UVRAG: variants seen among roughly 807,000 people sequenced by gnomAD.
UVRAG encodes UV radiation resistance-associated gene protein.
A neutral mutation model predicts 78.0 loss-of-function variants in UVRAG; 19 were observed. The ratio of observed to expected loss-of-function variants is 0.24; its 90% CI spans 0.17 to 0.36. The LOEUF is 0.36. UVRAG is among the 10% of genes least tolerant of loss of function. The pLI is 1.00. For synonymous variants in UVRAG, 323 were observed against 324.6 expected (o/e 1.00, Z 0.05); for missense variants, 740 against 853.8 (o/e 0.87, Z 1.66).
At chr11:76,103,657 A>T (rs977012771) in intron 13 of UVRAG, among the ~76,000 whole-genome samples, 7 of 151,820 alleles carry the variant, frequency 4.6e-5, no homozygotes, top group Non-Finnish European at 8.8e-5. Flanking sequence ...TCCACAGAAA[A>T]CTTAAAAGGC....
At chr11:76,100,740 C>A (rs1951865477) in intron 13 of UVRAG, among the ~76,000 whole-genome samples, 1 of 152,052 alleles carries the variant, frequency 6.6e-6, no homozygotes, top group African/African-American at 2.4e-5. Context: ...AGTACTTTTT[C>A]TGTTCCTCTC....
At chr11:75,918,002 A>G (rs1477368246) in intron 6 of UVRAG, among the ~76,000 whole-genome samples, 1 of 152,188 alleles carries the variant, frequency 6.6e-6, no homozygotes, top group Non-Finnish European at 1.5e-5. Context: ...GTCTAGCTCC[A>G]GAGGCTATCA....
chr11:75,845,436 C>T (rs920035562), intron 1 of UVRAG, among the ~76,000 whole-genome samples: 30 of 152,206 alleles, frequency 2.0e-4, no homozygotes, highest in African/African-American at 7.0e-4. Flanking sequence ...CCTAGATGCC[C>T]ATCAATGGTG....
intron 1 of UVRAG, among the ~76,000 whole-genome samples, chr11:75,834,568 A>C (rs1590913688): frequency 1.3e-5 from 2 of 152,160 alleles, no homozygotes; most frequent in Non-Finnish European, 2.9e-5. Context: ...CAATCCCAGC[A>C]CTTTGGTAGG....
At chr11:76,066,424 A>G (rs1170878439) in intron 13 of UVRAG, among the ~76,000 whole-genome samples, 1 of 152,108 alleles carries the variant, frequency 6.6e-6, no homozygotes, top group Non-Finnish European at 1.5e-5. Context: ...TAGGCATTCC[A>G]CAAGTTTTCT....
intron 13 of UVRAG, among the ~76,000 whole-genome samples, chr11:76,072,185 G>A (rs1591202914): frequency 6.6e-6 from 1 of 152,234 alleles, no homozygotes; most frequent in East Asian, 1.9e-4. Context: ...AATAGAGGAG[G>A]AAGAACCAGC....
chr11:76,027,175 T>C lies in UVRAG; in HGVS notation c.1226+10195T>C, dbSNP rs149519066. On this transcript the variant is annotated intron_variant, in intron 12 of 14. Transcript: ENST00000356136. ...AGCCCAGAAGATGAAGTGCTAATTA[T>C]TAAGTTTTGTACTTGTAAAGCAAAC... Among the ~76,000 whole-genome samples, 17 of 152,260 alleles carry C rather than the reference T, an allele frequency of 1.1e-4. No individual in the cohort carries two copies. The East Asian group carries it at 3.3e-3, about 29-fold the overall frequency.
chr11:76,026,646 T>C (rs1950331177), intron 12 of UVRAG, among the ~76,000 whole-genome samples: 2 of 152,144 alleles, frequency 1.3e-5, no homozygotes, highest in South Asian at 2.1e-4. Flanking sequence ...TGTTGGCATT[T>C]AGAGCACTCA....
intron 6 of UVRAG, among the ~76,000 whole-genome samples, chr11:75,929,886 A>C (rs180744970): frequency 2.0e-5 from 3 of 152,320 alleles, no homozygotes. Flanking sequence ...CGTTAAATAC[A>C]TTCTTAGAGA....
At chr11:75,900,678 G>A (rs1185385807) in intron 5 of UVRAG, among the ~76,000 whole-genome samples, 1 of 152,154 alleles carries the variant, frequency 6.6e-6, no homozygotes, top group Non-Finnish European at 1.5e-5. Flanking sequence ...CAGTCCTCAT[G>A]TCATGGAGTA....
intron 3 of UVRAG, among the ~76,000 whole-genome samples, chr11:75,877,984 G>A (rs1467100535): frequency 1.3e-5 from 2 of 151,592 alleles, no homozygotes; most frequent in African/African-American, 2.4e-5. Flanking sequence ...CCTCCCAGAC[G>A]GGGCGGCTGC....
At chr11:76,140,363 GA>G (rs931743778) in intron 14 of UVRAG, among the ~76,000 whole-genome samples, 12 of 151,978 alleles carry the variant, frequency 7.9e-5, no homozygotes, top group Non-Finnish European at 1.3e-4. Context: ...TCAGAAATAT[GA>G]AGTTAGTTAT....
intron 1 of UVRAG, among the ~76,000 whole-genome samples, chr11:75,817,123 C>T (rs1945276847): frequency 6.6e-6 from 1 of 152,010 alleles, no homozygotes; most frequent in Non-Finnish European, 1.5e-5. Flanking sequence ...GGAGACACGT[C>T]TCTGGAGTGA....
At chr11:76,123,574 G>GT (rs535939372) in intron 14 of UVRAG, among the ~76,000 whole-genome samples, 2 of 152,006 alleles carry the variant, frequency 1.3e-5, no homozygotes, top group Non-Finnish European at 2.9e-5. Context: ...CATCTGTCCT[G>GT]TTTTTTTCAT....
chr11:76,092,172 C>A (rs1027733756), intron 13 of UVRAG, among the ~76,000 whole-genome samples: 10 of 152,142 alleles, frequency 6.6e-5, no homozygotes, highest in African/African-American at 1.9e-4. Flanking sequence ...TGAACTCATC[C>A]TTTTTTATGG....
intron 12 of UVRAG, among the ~76,000 whole-genome samples, chr11:76,065,448 C>G (rs1291538924): frequency 6.6e-6 from 1 of 152,120 alleles, no homozygotes; most frequent in East Asian, 1.9e-4. Flanking sequence ...GGCCTCAACT[C>G]CTTGGGGTGG....
intron 13 of UVRAG, among the ~76,000 whole-genome samples, 181 bp downstream of exon 13, chr11:76,065,969 A>G (rs1951177240): frequency 6.6e-6 from 1 of 152,222 alleles, no homozygotes; most frequent in Non-Finnish European, 1.5e-5. Flanking sequence ...AAATGACTAC[A>G]GAGAAGCAAT....
At chr11:75,826,874 T>C (rs536605505) in intron 1 of UVRAG, among the ~76,000 whole-genome samples, 1 of 152,278 alleles carries the variant, frequency 6.6e-6, no homozygotes, top group Non-Finnish European at 1.5e-5. Flanking sequence ...CCATTCTTTG[T>C]GAAAACTCCA....
chr11:75,995,437 G>T lies in UVRAG; in HGVS notation c.827-8568G>T, dbSNP rs1272918850. Among the ~76,000 whole-genome samples, 3 of 144,180 alleles carry T rather than the reference G, an allele frequency of 2.1e-5. No individual in the cohort carries two copies. In the East Asian group the frequency reaches 6.1e-4, roughly 29 times the overall value. 94.6% of individuals were successfully genotyped at this position (144,180 alleles called of 152,430 possible). On this transcript the variant is annotated intron_variant, in intron 8 of 14. Coordinates refer to ENST00000356136, the MANE Select transcript of UVRAG (RefSeq NM_003369.4). Reference sequence around the variant, plus strand: ...TGGTAATTTCAGTGAATAAAAAGTTGTTGCCAAAATAAATATTTTATGTGA... The same window carrying T: ...TGGTAATTTCAGTGAATAAAAAGTTTTTGCCAAAATAAATATTTTATGTGA...
Sources: allele counts gnomAD v4.1 joint callset (sites outside exome capture counted in the v4.1 genomes callset), GRCh38; gene constraint gnomAD v4.1.1; transcripts MANE v1.5; gene names NCBI Gene and HGNC (gene_info 2026-07-23, HGNC 2026-07-21).